Variants in IGLL5 observed in about 807,000 individuals in gnomAD.
IGLL5 encodes immunoglobulin lambda-like polypeptide 5.
IGLL5 carries 30 observed loss-of-function variants against 20.9 expected under a neutral mutation model. The observed-to-expected ratio is 1.44, with a 90% confidence interval of 1.07 to 1.95. The LOEUF (loss-of-function observed/expected upper bound fraction) is 1.95. Among genes scored for constraint, IGLL5 ranks in the 30% most tolerant of loss-of-function variants. The probability of loss-of-function intolerance (pLI) is 0.00; values close to 1 mark genes in which losing one functional copy is unlikely to be tolerated. For synonymous variants in IGLL5, 203 were observed against 117.3 expected, an observed-to-expected ratio of 1.73 and a Z score of -4.72; for missense variants, 475 against 270.7, an observed-to-expected ratio of 1.75 and a Z score of -5.30.
intron 2 of IGLL5, 90 bp downstream of exon 2, chr22:22,893,908 T>C (rs954366502): frequency 6.6e-6 from 6 of 908,034 alleles, no homozygotes; most frequent in Admixed American, 1.7e-5. Context: ...CTCCCCTCTG[T>C]CCTCCCAGCC....
chr22:22,893,922 A>ATT, intron 2 of IGLL5, 104 bp downstream of exon 2: 1 of 832,854 alleles, frequency 1.2e-6, no homozygotes. Context: ...CCCAGCCTTA[A>ATT]GCACTGACCC....
intron 1 of IGLL5, among the ~76,000 whole-genome samples, chr22:22,888,770 G>T (rs181160297): frequency 6.6e-6 from 1 of 151,390 alleles, no homozygotes; most frequent in Non-Finnish European, 1.5e-5. Context: ...CTGGGGCCAG[G>T]CTCAAGGACA....
At position 22,894,779 on chromosome 22, in the gene IGLL5, AG is replaced by A. The variant is rs2146046228; in HGVS notation, c.326-595del. Among the ~76,000 whole-genome samples the A allele has an allele frequency of 1.3e-5, 2 of 151,050 alleles. 1 individual carries two copies. Among genetic ancestry groups the A allele is most frequent in the Admixed American group, 1.3e-4 (2 of 15,098 alleles). On this transcript the variant is annotated intron_variant, in intron 2 of 2. Coordinates refer to ENST00000526893, the MANE Select transcript of IGLL5 (RefSeq NM_001178126.2). The stretch of plus-strand genomic sequence containing the variant: ...CTTGTGGAGACAGGAAACATCTCAG[AG>A]CCTCAGAGGAGCCCTGAGGCTTGTC...
intron 2 of IGLL5, among the ~76,000 whole-genome samples, 187 bp downstream of exon 2, chr22:22,894,005 G>A (rs895144016): frequency 7.3e-5 from 11 of 149,864 alleles, no homozygotes; most frequent in South Asian, 4.4e-4. Context: ...CTCCACAGTG[G>A]GAGCAGCCGG....
chr22:22,888,796 G>A (rs2067648095), intron 1 of IGLL5, among the ~76,000 whole-genome samples: 1 of 151,444 alleles, frequency 6.6e-6, no homozygotes, highest in East Asian at 2.0e-4. Flanking sequence ...AGGGTGGGAT[G>A]AACCGAGGGG....
At chr22:22,894,233 A>C (rs1233674365) in intron 2 of IGLL5, among the ~76,000 whole-genome samples, 1 of 151,206 alleles carries the variant, frequency 6.6e-6, no homozygotes, top group East Asian at 2.0e-4. Context: ...GAGCAGCCCC[A>C]AGAACAGCTG....
At chr22:22,890,160 C>G (rs1004793802) in intron 1 of IGLL5, among the ~76,000 whole-genome samples, 3 of 142,514 alleles carry the variant, frequency 2.1e-5, no homozygotes, top group Non-Finnish European at 4.5e-5. Flanking sequence ...ACTCTTTTTT[C>G]TTGCCAAAAA....
At position 22,895,812 on chromosome 22, in the gene IGLL5, A is replaced by C; in HGVS notation, c.*118A>C. 1.1e-6 allele frequency: 1 copy of C among 921,870 alleles called. No homozygotes were observed. Among genetic ancestry groups the C allele is most frequent in the Non-Finnish European group, 1.7e-6 (1 of 573,244 alleles). 57.1% of individuals were successfully genotyped at this position (921,870 alleles called of 1,614,324 possible). On this transcript the variant is annotated 3_prime_UTR_variant, in exon 3 of 3. Coordinates refer to ENST00000526893, the MANE Select transcript of IGLL5 (RefSeq NM_001178126.2). The stretch of plus-strand genomic sequence containing the variant: ...CCCTGCACTCATGAAACCCCAATAA[A>C]TATCCTCATTGACAACCAGAAATCT...
At chr22:22,889,128 T>C (rs1295264450) in intron 1 of IGLL5, among the ~76,000 whole-genome samples, 1 of 150,938 alleles carries the variant, frequency 6.6e-6, no homozygotes, top group Admixed American at 6.7e-5. Flanking sequence ...AGCACCGGAT[T>C]GGAGGCTGAT....
At chr22:22,894,378 T>G (rs2068023762) in intron 2 of IGLL5, among the ~76,000 whole-genome samples, 1 of 151,432 alleles carries the variant, frequency 6.6e-6, no homozygotes, top group South Asian at 2.1e-4. Context: ...CTCTGTGGCC[T>G]GTGCTGGGTC....
At position 22,894,109 on chromosome 22, in the gene IGLL5, G is replaced by C. The variant is rs1246249164; in HGVS notation, c.325+291G>C. Among the ~76,000 whole-genome samples, 5 of 151,494 alleles carry C rather than the reference G, an allele frequency of 3.3e-5. 1 individual carries two copies. The highest frequency in any genetic ancestry group is 2.0e-4 in the Admixed American group (3 of 15,132). Reference sequence around the variant, plus strand: ...GATGTCTGAGTGAGGGACAGAGGCTGGTTCTGATGAGGGGCCCTGCAGTGT... The same window carrying C: ...GATGTCTGAGTGAGGGACAGAGGCTCGTTCTGATGAGGGGCCCTGCAGTGT... On this transcript the variant is annotated intron_variant, in intron 2 of 2. Coordinates refer to ENST00000526893, the MANE Select transcript of IGLL5 (RefSeq NM_001178126.2).
intron 2 of IGLL5, 93 bp downstream of exon 2, chr22:22,893,911 T>A (rs2067946235): frequency 3.4e-6 from 3 of 894,556 alleles, no homozygotes; most frequent in African/African-American, 1.6e-5. Context: ...CCCTCTGTCC[T>A]CCCAGCCTTA....
intron 1 of IGLL5, among the ~76,000 whole-genome samples, chr22:22,888,676 G>C (rs942045968): frequency 6.6e-6 from 1 of 151,340 alleles, no homozygotes; most frequent in Middle Eastern, 3.8e-3. Context: ...GTGAGGGCAG[G>C]GGCCACTCCC....
chr22:22,888,434 T>G (rs117021359), intron 1 of IGLL5, among the ~76,000 whole-genome samples, 175 bp downstream of exon 1: 5 of 151,426 alleles, frequency 3.3e-5, no homozygotes, highest in Middle Eastern at 3.7e-3. Context: ...TTTGTTTGAA[T>G]TACTGTTTTT....
chr22:22,893,913 C>T (rs910277866), intron 2 of IGLL5, 95 bp downstream of exon 2: 8 of 886,746 alleles, frequency 9.0e-6, no homozygotes, highest in African/African-American at 3.3e-5. Context: ...CTCTGTCCTC[C>T]CAGCCTTAAG....
chr22:22,894,503 C>T lies in IGLL5; in HGVS notation c.325+685C>T, dbSNP rs1403083705. The stretch of plus-strand genomic sequence containing the variant: ...TCTCTTAGGGCAGAGATGTGTCTGT[C>T]CCTGGAGCCCCGTCACCTCTGGGGC... On this transcript the variant is annotated intron_variant, in intron 2 of 2. Transcript: ENST00000526893. Among the ~76,000 whole-genome samples, 5 of 151,516 alleles carry T rather than the reference C, an allele frequency of 3.3e-5. 1 individual carries two copies. Among genetic ancestry groups the T allele is most frequent in the South Asian group, 2.1e-4 (1 of 4,772 alleles).
At chr22:22,888,748 C>T (rs1201031627) in intron 1 of IGLL5, among the ~76,000 whole-genome samples, 2 of 151,398 alleles carry the variant, frequency 1.3e-5, no homozygotes, top group African/African-American at 4.8e-5. Context: ...CCAACTTGCA[C>T]ATAAATGCTT....
intron 1 of IGLL5, among the ~76,000 whole-genome samples, chr22:22,889,114 A>G (rs1163894850): frequency 1.3e-5 from 2 of 151,112 alleles, no homozygotes; most frequent in African/African-American, 2.4e-5. Flanking sequence ...TTTTTGGAAA[A>G]ATCAGCACCG....
At chr22:22,889,088 C>T (rs140323075) in intron 1 of IGLL5, among the ~76,000 whole-genome samples, 6 of 151,250 alleles carry the variant, frequency 4.0e-5, no homozygotes, top group Middle Eastern at 3.7e-3. Context: ...GATTGATTAT[C>T]AGAGTCAGAT....
Sources: allele counts gnomAD v4.1 joint callset (sites outside exome capture counted in the v4.1 genomes callset), GRCh38; gene constraint gnomAD v4.1.1; transcripts MANE v1.5; gene names NCBI Gene and HGNC (gene_info 2026-07-23, HGNC 2026-07-21).